AGBL1: variants seen among roughly 807,000 people sequenced by gnomAD.
AGBL1 encodes the protein cytosolic carboxypeptidase 4.
AGBL1 carries 130 observed loss-of-function variants against 118.9 expected under a neutral mutation model. The observed-to-expected ratio is 1.09, with a 90% CI of 0.95 to 1.26. The LOEUF is 1.26. AGBL1 is among the 50% of genes most tolerant of loss of function. The pLI, the probability that AGBL1 is intolerant of heterozygous loss-of-function variation, is 0.00. For synonymous variants in AGBL1, 555 were observed against 478.9 expected (o/e 1.16, Z -2.08); for missense variants, 1,584 against 1,298.1 (o/e 1.22, Z -3.38).
chr15:86,285,902 T>G lies in AGBL1; in HGVS notation c.2220+6119T>G, dbSNP rs547803428. ...CCCTATGATACTTTTTGACTTTTTG[T>G]CTCTCATAGCTAATACTGCTTGGTG... is the stretch of plus-strand genomic sequence containing the variant. On this transcript the variant is annotated intron_variant, in intron 16 of 22. Transcript: ENST00000614907. 4.4e-3 allele frequency among the ~76,000 whole-genome samples: 671 copies of G among 152,290 alleles called. 3 individuals are homozygous for G. The highest frequency in any genetic ancestry group is 0.015 in the African/African-American group (643 of 41,562).
chr15:86,530,682 A>G (rs1193892756), intron 19 of AGBL1, among the ~76,000 whole-genome samples: 1 of 151,584 alleles, frequency 6.6e-6, no homozygotes, highest in East Asian at 1.9e-4. Context: ...CACCACACCT[A>G]TTCCAAAATT....
Position 86,525,639 on chromosome 15 carries a change from G to A in AGBL1, c.2685+2700G>A, listed in dbSNP as rs143736588. 5.6e-4 allele frequency among the ~76,000 whole-genome samples: 85 copies of A among 152,156 alleles called. 1 individual carries two copies. Among genetic ancestry groups the A allele is most frequent in the African/African-American group, 1.9e-3 (80 of 41,550 alleles). On this transcript the variant is annotated intron_variant, in intron 19 of 22. Transcript: ENST00000614907. ...AAAAAATATATATTCAGTAAATGAC[G>A]CTGGGAAAATTGGATAGCCACATGT...
At chr15:86,769,770 A>G (rs1278719733) in intron 22 of AGBL1, among the ~76,000 whole-genome samples, 1 of 151,982 alleles carries the variant, frequency 6.6e-6, no homozygotes, top group East Asian at 1.9e-4. Flanking sequence ...AGAAGTTTGA[A>G]ATGCAAGGCT....
chr15:86,926,231 G>T (rs771108035), intron 23 of AGBL1, among the ~76,000 whole-genome samples: 1 of 152,146 alleles, frequency 6.6e-6, no homozygotes, highest in Non-Finnish European at 1.5e-5. Flanking sequence ...CAGATGAAAA[G>T]AAGTTATTGT....
chr15:86,629,663 A>C (rs2084936119), intron 21 of AGBL1, among the ~76,000 whole-genome samples: 1 of 152,212 alleles, frequency 6.6e-6, no homozygotes, highest in Non-Finnish European at 1.5e-5. Context: ...GTTTGCATTT[A>C]GTCATTTTTA....
chr15:86,522,049 C>A (rs1482382759), intron 18 of AGBL1, among the ~76,000 whole-genome samples: 1 of 152,160 alleles, frequency 6.6e-6, no homozygotes, highest in African/African-American at 2.4e-5. Context: ...CTCAGCATCT[C>A]AGTTTCCTCA....
At chr15:86,282,477 A>T (rs1216858869) in intron 16 of AGBL1, among the ~76,000 whole-genome samples, 1 of 152,182 alleles carries the variant, frequency 6.6e-6, no homozygotes, top group East Asian at 1.9e-4. Flanking sequence ...GGGATAACTT[A>T]TTTCTCCTAA....
intron 22 of AGBL1, among the ~76,000 whole-genome samples, chr15:86,791,373 C>T (rs960746524): frequency 9.2e-5 from 14 of 152,114 alleles, no homozygotes; most frequent in East Asian, 3.9e-4. Context: ...TTGCCTGTTA[C>T]GGATGCACTG....
chr15:86,282,826 G>A (rs957215799), intron 16 of AGBL1, among the ~76,000 whole-genome samples: 6 of 152,134 alleles, frequency 3.9e-5, no homozygotes, highest in Admixed American at 1.3e-4. Flanking sequence ...TAGAAAATAC[G>A]TTTCCATGTG....
At chr15:86,692,197 C>CA (rs1188583323) in intron 22 of AGBL1, among the ~76,000 whole-genome samples, 2 of 151,584 alleles carry the variant, frequency 1.3e-5, no homozygotes, top group Non-Finnish European at 1.5e-5. Context: ...AAACAAAAAA[C>CA]AAAAAAACCA....
chr15:86,281,414 GA>G (rs936409734), intron 16 of AGBL1, among the ~76,000 whole-genome samples: 14 of 150,846 alleles, frequency 9.3e-5, no homozygotes, highest in Non-Finnish European at 1.9e-4. Context: ...AACCAGAAAA[GA>G]AAAAAAAAGT....
intron 17 of AGBL1, among the ~76,000 whole-genome samples, chr15:86,331,267 T>A (rs968323386): frequency 1.3e-5 from 2 of 150,668 alleles, no homozygotes; most frequent in Non-Finnish European, 1.5e-5. Flanking sequence ...TATGGAATTA[T>A]GTAAAGTGAC....
At chr15:86,704,795 G>A (rs2086419047) in intron 22 of AGBL1, among the ~76,000 whole-genome samples, 1 of 152,116 alleles carries the variant, frequency 6.6e-6, no homozygotes, top group Admixed American at 6.5e-5. Flanking sequence ...TGTACCCAAA[G>A]GATTATAAAT....
chr15:86,757,207 A>G (rs1055194678), intron 22 of AGBL1, among the ~76,000 whole-genome samples: 3 of 152,068 alleles, frequency 2.0e-5, no homozygotes, highest in African/African-American at 7.2e-5. Flanking sequence ...CCTTCTTGCT[A>G]TTTCTAGCGG....
At chr15:86,302,778 C>CAAAAAAAA (rs11345100) in intron 17 of AGBL1, among the ~76,000 whole-genome samples, 2 of 95,906 alleles carry the variant, frequency 2.1e-5, no homozygotes, top group Non-Finnish European at 4.0e-5. Context: ...GACCCTGTCT[C>CAAAAAAAA]AAAAAAAAAA....
intron 17 of AGBL1, among the ~76,000 whole-genome samples, chr15:86,390,736 C>A (rs138568338): frequency 1.0e-3 from 127 of 120,960 alleles, no homozygotes; most frequent in Non-Finnish European, 8.5e-4. Context: ...GTGGTGTGAT[C>A]TTGGCTCACT....
chr15:86,099,243 TAAATG>T (rs1386407972), intron 1 of AGBL1, among the ~76,000 whole-genome samples: 1 of 152,106 alleles, frequency 6.6e-6, no homozygotes, highest in Non-Finnish European at 1.5e-5. Flanking sequence ...AGAACAGAGA[TAAATG>T]AAATACTGAC....
At chr15:86,898,394 A>G (rs28703705) in intron 22 of AGBL1, among the ~76,000 whole-genome samples, 19,604 of 152,158 alleles carry the variant, frequency 0.13, 2,273 homozygotes, top group African/African-American at 0.31. Flanking sequence ...TAGTGTAAAG[A>G]AGGGGTCCAG....
chr15:86,857,189 G>T (rs2079495197), intron 22 of AGBL1, among the ~76,000 whole-genome samples: 1 of 152,092 alleles, frequency 6.6e-6, no homozygotes, highest in Non-Finnish European at 1.5e-5. Context: ...CTCCTAGTTG[G>T]ATTCAGCTAT....
Sources: gnomAD v4.1 joint callset for allele counts (sites outside exome capture counted in the v4.1 genomes callset) on GRCh38, gnomAD v4.1.1 for gene constraint, MANE v1.5 for transcripts, NCBI Gene and HGNC (gene_info 2026-07-23, HGNC 2026-07-21) for gene names.